The following NCR1 variants were observed in gnomAD, a reference collection of about 807,000 sequenced individuals.
The protein encoded by NCR1 is natural cytotoxicity triggering receptor 1, also known as NK cell-activating receptor.
In NCR1, 30 loss-of-function variants were observed where a neutral mutation model predicts 32.5. The ratio of observed to expected loss-of-function variants is 0.92; its 90% CI spans 0.69 to 1.25. The LOEUF (loss-of-function observed/expected upper bound fraction) is 1.25. NCR1 is among the 50% of genes most tolerant of loss of function. The pLI, the probability that NCR1 is intolerant of heterozygous loss-of-function variation, is 0.00. For missense variants in NCR1, 369 were observed against 380.7 expected, an observed-to-expected ratio of 0.97 and a Z score of 0.26; for synonymous variants, 169 against 143.4, an observed-to-expected ratio of 1.18 and a Z score of -1.28.
At chr19:54,936,540 G>T in the NCR1 span, 1 of 1,002,390 alleles carries the variant, frequency 1.0e-6, no homozygotes, top group Non-Finnish European at 1.6e-6. Flanking sequence ...AGAAGTTCTT[G>T]GCCGGGTGCA....
At chr19:54,916,923 A>G (rs978766167), downstream of NCR1, among the ~76,000 whole-genome samples, 1 of 150,934 alleles carries the variant, frequency 6.6e-6, no homozygotes, top group Non-Finnish European at 1.5e-5. Context: ...CTGACTTCTC[A>G]CCTGTGCTCC....
chr19:54,936,527 A>T, the NCR1 span: 16 of 1,127,936 alleles, frequency 1.4e-5, no homozygotes, highest in African/African-American at 2.4e-4. Context: ...TTTAGAAATT[A>T]TTAGAAGTTC....
At chr19:54,934,482 G>A in the NCR1 span, 1 of 1,614,032 alleles carries the variant, frequency 6.2e-7, no homozygotes, top group Non-Finnish European at 8.5e-7. This position sits in a 1 kb window ranked among gnomAD's most constrained non-coding sequence, Gnocchi z 6.7. Flanking sequence ...GGGAAGAGGA[G>A]ACTTACGACA....
intron 4 of NCR1, 60 bp downstream of exon 4, chr19:54,909,583 G>T (rs889704193): frequency 6.4e-7 from 1 of 1,551,084 alleles, no homozygotes. Flanking sequence ...GAGCCCTGAG[G>T]GATCCCCAGA....
chr19:54,903,383 T>C (rs587594657), upstream of NCR1, among the ~76,000 whole-genome samples: 15 of 142,050 alleles, frequency 1.1e-4, no homozygotes, highest in South Asian at 2.1e-3. Flanking sequence ...TACATGTATG[T>C]ATATACATAT....
At chr19:54,923,503 C>T in the NCR1 span, 13 of 579,274 alleles carry the variant, frequency 2.2e-5, no homozygotes, top group Admixed American at 8.7e-5. Flanking sequence ...TGTCAATAAA[C>T]GCAGCTGCAA....
At chr19:54,917,443 C>G (rs113768595), downstream of NCR1, among the ~76,000 whole-genome samples, 3,089 of 152,162 alleles carry the variant, frequency 0.02, 94 homozygotes, top group African/African-American at 0.07. Context: ...CCTCAGCCCC[C>G]CAAGGAGCTG....
At chr19:54,916,039 A>G (rs1251552405), downstream of NCR1, 1 of 151,444 alleles carries the variant, frequency 6.6e-6, no homozygotes, top group Non-Finnish European at 1.5e-5. Flanking sequence ...AAAAGACCCA[A>G]AGTACAGCGA....
downstream of NCR1, among the ~76,000 whole-genome samples, chr19:54,916,414 G>A (rs2068135364): frequency 6.7e-6 from 1 of 148,766 alleles, no homozygotes; most frequent in East Asian, 2.0e-4. Flanking sequence ...CGCCTCCCGG[G>A]TTCAAGCGAT....
intron 5 of NCR1, 140 bp from the exon 6 acceptor site, chr19:54,912,028 C>T: frequency 1.4e-6 from 1 of 724,642 alleles, no homozygotes; most frequent in South Asian, 1.6e-5. Context: ...ACTTTACCTG[C>T]TGGATGAAGC....
chr19:54,931,518 G>A, the NCR1 span, among the ~76,000 whole-genome samples: 1 of 152,134 alleles, frequency 6.6e-6, no homozygotes, highest in South Asian at 2.1e-4. Context: ...GGAGAAACCC[G>A]TCTCTACTAA....
chr19:54,930,662 G>A, the NCR1 span: 1 of 1,613,106 alleles, frequency 6.2e-7, no homozygotes, highest in South Asian at 1.1e-5. Context: ...CTGCATTGCT[G>A]TAACCTACAG....
chr19:54,898,889 G>A, the NCR1 span, among the ~76,000 whole-genome samples: 11 of 152,154 alleles, frequency 7.2e-5, no homozygotes, highest in African/African-American at 1.2e-4. Context: ...AAGCTGGACC[G>A]GGTGTGAGGA....
At chr19:54,927,928 C>A in the NCR1 span, among the ~76,000 whole-genome samples, 1 of 152,254 alleles carries the variant, frequency 6.6e-6, no homozygotes, top group South Asian at 2.1e-4. Flanking sequence ...CCCATCTCTA[C>A]TAAAAATACA....
downstream of NCR1, among the ~76,000 whole-genome samples, chr19:54,921,000 A>G (rs972357560): frequency 2.0e-5 from 3 of 152,202 alleles, no homozygotes; most frequent in African/African-American, 7.2e-5. Context: ...ACCAAAAAAA[A>G]GACTACTATC....
At chr19:54,899,686 G>C in the NCR1 span, among the ~76,000 whole-genome samples, 1 of 151,760 alleles carries the variant, frequency 6.6e-6, no homozygotes, top group Non-Finnish European at 1.5e-5. Context: ...GCAGAGAAGG[G>C]GTAGAGACAC....
chr19:54,931,690 A>T, the NCR1 span, among the ~76,000 whole-genome samples: 305 of 144,914 alleles, frequency 2.1e-3, 1 homozygote, highest in African/African-American at 8.2e-3. Flanking sequence ...CATCTCAAAA[A>T]AAAAAAAAAA....
the NCR1 span, among the ~76,000 whole-genome samples, chr19:54,925,473 T>C: frequency 6.6e-6 from 1 of 152,160 alleles, no homozygotes; most frequent in Non-Finnish European, 1.5e-5. Flanking sequence ...ATGAAGCAGT[T>C]TACATGCGTA....
At chr19:54,933,476 T>C in the NCR1 span, 3 of 1,513,034 alleles carry the variant, frequency 2.0e-6, no homozygotes, top group East Asian at 2.3e-5. Context: ...ACCAGGTTTT[T>C]AAAAGTTACA....
Sources: gnomAD v4.1 joint callset for allele counts (sites outside exome capture counted in the v4.1 genomes callset) on GRCh38, gnomAD v4.1.1 for gene constraint, Gnocchi (gnomAD v3.1) non-coding constraint, MANE v1.5 for transcripts, NCBI Gene and HGNC (gene_info 2026-07-23, HGNC 2026-07-21) for gene names.